CORO1B: variants seen among roughly 807,000 people sequenced by gnomAD.
CORO1B encodes coronin-1B.
CORO1B carries 30 observed loss-of-function variants against 51.1 expected under a neutral mutation model. The observed-to-expected ratio is 0.59, with a 90% confidence interval of 0.44 to 0.80. The LOEUF (loss-of-function observed/expected upper bound fraction) is 0.80. CORO1B is among the 30% of genes least tolerant of loss of function. CORO1B has a pLI of 0.00. For synonymous variants in CORO1B, 310 were observed against 289.7 expected (o/e 1.07, Z -0.71); for missense variants, 648 against 700.4 (o/e 0.93, Z 0.84).
At position 67,436,602 on chromosome 11, in the gene CORO1B, C is replaced by T. The variant is rs1015949433; in HGVS notation, c.*1774G>A. 18 of 413,606 alleles carry T rather than the reference C, an allele frequency of 4.4e-5. No homozygotes were observed. The highest frequency in any genetic ancestry group is 2.6e-5 in the Non-Finnish European group (6 of 234,808). The allele number at this position is 413,606 out of a possible 1,614,324, so 25.6% of individuals were successfully genotyped here. On this transcript the variant is annotated 3_prime_UTR_variant, in exon 11 of 11. Coordinates refer to ENST00000341356, the MANE Select transcript of CORO1B (RefSeq NM_020441.3). ...CATTAAGCCACCTGCCTGGGGCCTT[C>T]GCACTGGCTGTTCCCTCTGCCCGGA...
rs1366589041 is a variant in CORO1B, at chr11:67,436,456, C to T, written c.*1920G>A. 2 of 1,290,690 alleles carry T rather than the reference C, an allele frequency of 1.5e-6. No homozygotes were observed. Among genetic ancestry groups the T allele is most frequent in the Non-Finnish European group, 2.0e-6 (2 of 980,002 alleles). 80.0% of individuals were successfully genotyped at this position (1,290,690 alleles called of 1,614,324 possible). On this transcript the variant is annotated 3_prime_UTR_variant, in exon 11 of 11. Coordinates refer to ENST00000341356, the MANE Select transcript of CORO1B (RefSeq NM_020441.3). The stretch of plus-strand genomic sequence containing the variant: ...ACTTTCGTTTTTTTCTCTTTGGGAT[C>T]CTCTTGGGACAGCCAAGCAGAAAAG...
rs1864329360 is a variant in CORO1B, at chr11:67,438,395, A to T, written c.1451T>A (p.Met484Lys). ...GTGGCCCTACGCATCCCCGTTCTCC[A>T]TGCGGCCCAGCTGCTCCTCCAGGCG... The part of the protein sequence containing the change: ...ICRLEEQLGR[M>K]ENGDA Residue 484 changes from methionine to lysine, a missense_variant, in exon 11 of 11, where the codon ATG becomes AAG. Physicochemically the swap from Met to Lys is moderately conservative, Grantham distance 95. Coordinates refer to ENST00000341356, the MANE Select transcript of CORO1B (RefSeq NM_020441.3). 1 of 1,607,796 alleles carries T rather than the reference A, an allele frequency of 6.2e-7. No homozygotes were observed. Among genetic ancestry groups the T allele is most frequent in the African/African-American group, 1.3e-5 (1 of 74,888 alleles).
chr11:67,439,186 T>C (rs1276512642), intron 9 of CORO1B, among the ~76,000 whole-genome samples: 3 of 152,238 alleles, frequency 2.0e-5, no homozygotes, highest in African/African-American at 7.2e-5. Flanking sequence ...GGGGCCACTA[T>C]GTGGCTTTAT....
chr11:67,436,191 G>T lies in CORO1B; in HGVS notation c.*2185C>A. On this transcript the variant is annotated 3_prime_UTR_variant, in exon 11 of 11. Coordinates refer to ENST00000341356, the MANE Select transcript of CORO1B (RefSeq NM_020441.3). ...CCCCCTGAGTCACGGCTGAGGCGGCGCCAGGCCAGTGCTAGGCCAGTGGCC... is the reference window on the plus strand; with the variant it reads ...CCCCCTGAGTCACGGCTGAGGCGGCTCCAGGCCAGTGCTAGGCCAGTGGCC... The T allele has an allele frequency of 6.4e-7, 1 of 1,553,270 alleles. No individual in the cohort carries two copies.
chr11:67,440,636 C>T, intron 6 of CORO1B, 197 bp from the exon 7 acceptor site: 1 of 693,882 alleles, frequency 1.4e-6, no homozygotes, highest in South Asian at 1.5e-5. Context: ...CCCAGGGTCC[C>T]TCTTTTCCAG....
chr11:67,440,032 G>A, intron 8 of CORO1B, 86 bp downstream of exon 8: 1 of 1,527,444 alleles, frequency 6.5e-7, no homozygotes, highest in South Asian at 1.2e-5. Flanking sequence ...CCTGGCGCAA[G>A]GTTTCCTGCT....
In CORO1B at chr11:67,438,344, G is replaced by A. The variant is rs767732019; in HGVS notation, c.*32C>T. 3.9e-5 allele frequency: 62 copies of A among 1,573,068 alleles called. No individual in the cohort carries two copies. The highest frequency in any genetic ancestry group is 5.0e-5 in the Non-Finnish European group (58 of 1,157,458). On this transcript the variant is annotated 3_prime_UTR_variant, in exon 11 of 11. Transcript: ENST00000341356. ...AGAAGCTGAGTGGGAAGGGGGCGGC[G>A]GAGGAGATGAAGGTGGCGTGTGGCT...
In CORO1B at chr11:67,441,998, T is replaced by C. The variant is rs201571103; in HGVS notation, c.292A>G (p.Ile98Val). 1.8e-4 allele frequency: 290 copies of C among 1,613,280 alleles called. 6 individuals carry two copies. In the South Asian group the frequency reaches 3.1e-3, roughly 17 times the overall value. Residue 98 changes from isoleucine (I) to valine (V), a missense_variant, in exon 3 of 11, where the codon ATA (isoleucine) becomes GTA (valine). Physicochemically the swap from Ile to Val is conservative, Grantham distance 29 (BLOSUM62 3). Coordinates refer to ENST00000341356, the MANE Select transcript of CORO1B (RefSeq NM_020441.3). Reference sequence around the variant, plus strand: ...GTGCAGTCCTCCGAGCCGCTGGCTATGACTTCGTCGTTGTGAGGACACCAG... The same window carrying C: ...GTGCAGTCCTCCGAGCCGCTGGCTACGACTTCGTCGTTGTGAGGACACCAG... Reference protein sequence around the residue: ...IDWCPHNDEVIASGSEDCTVM... With the variant: ...IDWCPHNDEVVASGSEDCTVM...
chr11:67,442,752 C>T (rs1864424411), intron 1 of CORO1B, 122 bp from the exon 2 acceptor site: 1 of 928,926 alleles, frequency 1.1e-6, no homozygotes, highest in South Asian at 1.6e-5. Context: ...CCTCCTGGGT[C>T]TCGGTTTACC....
chr11:67,439,972 G>A (rs1370939688), intron 8 of CORO1B, 129 bp from the exon 9 acceptor site: 5 of 1,446,746 alleles, frequency 3.5e-6, no homozygotes, highest in African/African-American at 2.8e-5. Context: ...AAGGTGGCTA[G>A]ACCCCCACAC....
rs555372042 is a variant in CORO1B, at chr11:67,442,276, C to T, written c.201+152G>A. 6.7e-4 allele frequency: 811 copies of T among 1,219,170 alleles called. 2 individuals carry two copies. The highest frequency in any genetic ancestry group is 6.3e-4 in the Non-Finnish European group (544 of 869,848). 75.5% of individuals were successfully genotyped at this position (1,219,170 alleles called of 1,614,324 possible). On this transcript the variant is annotated intron_variant, in intron 2 of 10. Transcript: ENST00000341356. ...TGCCTCTATGGCAACAGGCTACTTT[C>T]CATCTGTGCTAACACTTGGGGCGAT...
Position 67,436,092 on chromosome 11 carries a change from C to G in CORO1B, c.*2284G>C, listed in dbSNP as rs752354935. 1.2e-6 allele frequency: 2 copies of G among 1,610,444 alleles called. No individual in the cohort carries two copies. The highest frequency in any genetic ancestry group is 8.5e-7 in the Non-Finnish European group (1 of 1,178,730). On this transcript the variant is annotated 3_prime_UTR_variant, in exon 11 of 11. Transcript: ENST00000341356. ...TCAGCTCGGGCCTGCAGCCAGCGACCTGGGGGGCTGGCCCAGAGCAGGCGC... is the reference window on the plus strand; with the variant it reads ...TCAGCTCGGGCCTGCAGCCAGCGACGTGGGGGGCTGGCCCAGAGCAGGCGC...
rs758673385 is a variant in CORO1B, at chr11:67,438,921, G to A, written c.1094C>T (p.Pro365Leu). ...KSDLFQDDLY[P>L]DTAGPEAALE... ...GGCTGCCTCGGGCCCGGCTGTGTCG[G>A]GGTACAGATCATCCTGGAAGAGGTC... The change falls in exon 10 of 11, where the codon CCC (proline) becomes CTC (leucine). Residue 365 changes from proline to leucine, a missense_variant. Coordinates refer to ENST00000341356, the MANE Select transcript of CORO1B (RefSeq NM_020441.3). 6.2e-7 allele frequency: 1 copy of A among 1,608,960 alleles called. No individual in the cohort carries two copies. Among genetic ancestry groups the A allele is most frequent in the Non-Finnish European group, 8.5e-7 (1 of 1,178,628 alleles).
intron 9 of CORO1B, 68 bp downstream of exon 9, chr11:67,439,718 C>T: frequency 6.8e-7 from 1 of 1,472,624 alleles, no homozygotes; most frequent in Non-Finnish European, 9.3e-7. Flanking sequence ...AGGCCTCGCC[C>T]TGGTCACAAC....
At chr11:67,440,311 C>A in intron 7 of CORO1B, 24 bp downstream of exon 7, 1 of 1,612,946 alleles carries the variant, frequency 6.2e-7, no homozygotes, top group Non-Finnish European at 8.5e-7. Context: ...TTCCCTGCCC[C>A]TCGCCAGCCC....
intron 1 of CORO1B, among the ~76,000 whole-genome samples, chr11:67,443,083 C>T (rs1864429577): frequency 6.6e-6 from 1 of 152,130 alleles, no homozygotes; most frequent in Non-Finnish European, 1.5e-5. Flanking sequence ...GAGTGAGTGC[C>T]CAGTTCTGAG....
Position 67,441,227 on chromosome 11 carries a change from A to G in CORO1B, c.654T>C (p.His218=), listed in dbSNP as rs769306433. ...GTLVAEREKA[H]EGARPMRAIF... is the part of the protein sequence containing the mutation. ...TGGCCCGCATGGGCCGGGCCCCCTC[A>G]TGAGCCTTCTCCCGCTCCTGTCGGG... Residue 218 remains histidine (H), a synonymous_variant, in exon 6 of 11, where the codon CAT becomes CAC. Transcript: ENST00000341356. 1.2e-6 allele frequency: 2 copies of G among 1,613,058 alleles called. No individual in the cohort carries two copies. Among genetic ancestry groups the G allele is most frequent in the African/African-American group, 2.7e-5 (2 of 75,028 alleles).
Position 67,438,398 on chromosome 11 carries a change from C to G in CORO1B, c.1448G>C (p.Arg483Pro), listed in dbSNP as rs143727296. The G allele has an allele frequency of 1.9e-6, 3 of 1,607,844 alleles. No homozygotes were observed. The African/African-American group carries it at 4.0e-5, about 21-fold the overall frequency. ...RICRLEEQLG[R>P]MENGDA is the part of the protein sequence containing the mutation. ...GCCCTACGCATCCCCGTTCTCCATG[C>G]GGCCCAGCTGCTCCTCCAGGCGGCA... is the stretch of plus-strand genomic sequence containing the variant. The change falls in exon 11 of 11, where the codon CGC (arginine) becomes CCC (proline). Residue 483 changes from arginine (R) to proline (P), a missense_variant. By Grantham distance (103) the Arg-to-Pro change is moderately radical. Transcript: ENST00000341356.
At chr11:67,443,756 G>A (rs1186691549), upstream of CORO1B, 1 of 985,176 alleles carries the variant, frequency 1.0e-6, no homozygotes, top group African/African-American at 1.7e-5. Flanking sequence ...GCCTTACAGC[G>A]GACCCGAGGC....
Sources: gnomAD v4.1 joint callset for allele counts (sites outside exome capture counted in the v4.1 genomes callset) on GRCh38, gnomAD v4.1.1 for gene constraint, MANE v1.5 for transcripts, NCBI Gene and HGNC (gene_info 2026-07-23, HGNC 2026-07-21) for gene names.